The following BARX2 variants were observed in gnomAD, a reference collection of about 807,000 sequenced individuals.
The protein encoded by BARX2 is homeobox protein BarH-like 2.
In BARX2, 11 loss-of-function variants were observed where a neutral mutation model predicts 25.5. The ratio of observed to expected loss-of-function variants is 0.43; its 90% CI spans 0.27 to 0.71. BARX2 has a LOEUF of 0.71. Ranked by LOEUF, BARX2 falls within the 30% of genes least tolerant of loss-of-function variation. BARX2 has a pLI of 0.19. For synonymous variants in BARX2, 137 were observed against 149.5 expected, an observed-to-expected ratio of 0.92 and a Z score of 0.61; for missense variants, 360 against 359.9, an observed-to-expected ratio of 1.00 and a Z score of 0.00.
At chr11:129,394,932 A>G (rs1861702467) in intron 1 of BARX2, among the ~76,000 whole-genome samples, 1 of 61,516 alleles carries the variant, frequency 1.6e-5, no homozygotes, top group African/African-American at 6.7e-5. Flanking sequence ...TAGTCCACTC[A>G]GCATTTTTTT....
intron 1 of BARX2, among the ~76,000 whole-genome samples, chr11:129,407,921 G>A (rs1861848154): frequency 6.6e-6 from 1 of 151,264 alleles, no homozygotes; most frequent in Admixed American, 6.6e-5. Flanking sequence ...TGGAGCACAG[G>A]CTGGGCGCGG....
chr11:129,439,190 C>CAGTT (rs1862227415), intron 2 of BARX2, among the ~76,000 whole-genome samples: 1 of 152,032 alleles, frequency 6.6e-6, no homozygotes, highest in East Asian at 1.9e-4. Context: ...GAGCAGGGAC[C>CAGTT]AGTTAGGAGA....
At chr11:129,383,920 C>G (rs1196911328) in intron 1 of BARX2, among the ~76,000 whole-genome samples, 1 of 152,128 alleles carries the variant, frequency 6.6e-6, no homozygotes, top group African/African-American at 2.4e-5. Context: ...GTCACTGAGG[C>G]TGGAGTGTAA....
At chr11:129,417,996 C>T (rs1259227357) in intron 1 of BARX2, among the ~76,000 whole-genome samples, 1 of 152,122 alleles carries the variant, frequency 6.6e-6, no homozygotes, top group Non-Finnish European at 1.5e-5. Context: ...GACACTGCAG[C>T]TTATTGACCT....
chr11:129,437,338 G>C (rs549482347), intron 2 of BARX2: 4 of 640,492 alleles, frequency 6.2e-6, no homozygotes, highest in East Asian at 5.1e-5. Context: ...TTTAGCAAAT[G>C]GTTGCTCAGG....
At chr11:129,419,570 T>C (rs867441223) in intron 1 of BARX2, among the ~76,000 whole-genome samples, 2 of 152,250 alleles carry the variant, frequency 1.3e-5, no homozygotes, top group African/African-American at 4.8e-5. Context: ...ATAGTTTCTG[T>C]GTGGAGTGAA....
At chr11:129,429,919 T>A (rs556260555) in intron 1 of BARX2, among the ~76,000 whole-genome samples, 1 of 152,330 alleles carries the variant, frequency 6.6e-6, no homozygotes, top group South Asian at 2.1e-4. Flanking sequence ...GCCTTCACTC[T>A]CCTGCAAGGT....
chr11:129,375,553 C>T (rs1861491305), upstream of BARX2, among the ~76,000 whole-genome samples: 1 of 151,816 alleles, frequency 6.6e-6, no homozygotes, highest in Admixed American at 6.6e-5. The surrounding 1 kb of genome is among the most constrained non-coding windows in gnomAD (Gnocchi z 4.0). Flanking sequence ...CCGCACCGCG[C>T]GCACACTCCT....
chr11:129,416,970 C>T (rs1355407834), intron 1 of BARX2, among the ~76,000 whole-genome samples: 1 of 151,464 alleles, frequency 6.6e-6, no homozygotes, highest in Non-Finnish European at 1.5e-5. Context: ...GGCGCAATCT[C>T]AGCTCACTGC....
chr11:129,395,559 T>C (rs1861710849), intron 1 of BARX2, among the ~76,000 whole-genome samples: 1 of 152,142 alleles, frequency 6.6e-6, no homozygotes, highest in South Asian at 2.1e-4. Context: ...TGAAATCTCC[T>C]CCGGCCCTCC....
chr11:129,445,393 C>A (rs1288068746), intron 3 of BARX2, among the ~76,000 whole-genome samples: 1 of 152,256 alleles, frequency 6.6e-6, no homozygotes, highest in Non-Finnish European at 1.5e-5. Flanking sequence ...TCTGCCAGCA[C>A]CGCCCAGTGC....
chr11:129,424,490 C>T (rs1431593192), intron 1 of BARX2, among the ~76,000 whole-genome samples: 1 of 152,138 alleles, frequency 6.6e-6, no homozygotes, highest in African/African-American at 2.4e-5. Context: ...TCGACAATGC[C>T]TCTGGAATCC....
rs544207264 is a variant in BARX2, at chr11:129,438,631, A to G, written c.488+1580A>G. 3.0e-4 allele frequency among the ~76,000 whole-genome samples: 46 copies of G among 152,300 alleles called. 1 individual carries two copies. In the South Asian group the frequency reaches 9.3e-3, roughly 31 times the overall value. On this transcript the variant is annotated intron_variant, in intron 2 of 3. Coordinates refer to ENST00000281437, the MANE Select transcript of BARX2 (RefSeq NM_003658.5). Reference sequence around the variant, plus strand: ...AATTTAGCTTCTGATTCTGTTAATGAGGCACCGTCAGCTGTTTGGTAAGGG... The same window carrying G: ...AATTTAGCTTCTGATTCTGTTAATGGGGCACCGTCAGCTGTTTGGTAAGGG...
Position 129,376,174 on chromosome 11 carries a change from G to A in BARX2, c.139G>A (p.Val47Met). ...DYFEKLSLYSVCPSLVVRPKP... is the reference protein window; with the variant it reads ...DYFEKLSLYSMCPSLVVRPKP... ...CTTTGAGAAACTTTCCCTCTACTCC[G>A]TGTGCCCGTCGCTGGTCGTGCGACC... The change falls in exon 1 of 4, where the codon GTG becomes ATG. Residue 47 changes from valine (V) to methionine (M), a missense_variant. Physicochemically the swap from Val to Met is conservative, Grantham distance 21. This residue lies in a region of BARX2 where 240 missense variants were observed against 228.7 expected (regional missense o/e 1.05). Transcript: ENST00000281437. This position sits in a 1 kb window ranked among gnomAD's most constrained non-coding sequence, Gnocchi z 4.2. 1 of 1,612,902 alleles carries A rather than the reference G, an allele frequency of 6.2e-7. No homozygotes were observed. The highest frequency in any genetic ancestry group is 8.5e-7 in the Non-Finnish European group (1 of 1,179,452).
chr11:129,415,785 C>G (rs965463305), intron 1 of BARX2, among the ~76,000 whole-genome samples: 1 of 152,222 alleles, frequency 6.6e-6, no homozygotes, highest in Admixed American at 6.5e-5. Flanking sequence ...AACCCTCCTC[C>G]TGAAGAAAAG....
At chr11:129,405,289 G>T (rs1188853281) in intron 1 of BARX2, among the ~76,000 whole-genome samples, 1 of 152,176 alleles carries the variant, frequency 6.6e-6, no homozygotes, top group Non-Finnish European at 1.5e-5. Flanking sequence ...TCTAGAAGGG[G>T]TGATGATAGA....
At chr11:129,394,304 G>A (rs1187362172) in intron 1 of BARX2, among the ~76,000 whole-genome samples, 2 of 152,130 alleles carry the variant, frequency 1.3e-5, no homozygotes, top group East Asian at 1.9e-4. Flanking sequence ...TGGGCTTTGC[G>A]GTTGTTTTTG....
At chr11:129,385,458 G>A (rs185621691) in intron 1 of BARX2, among the ~76,000 whole-genome samples, 1 of 152,254 alleles carries the variant, frequency 6.6e-6, no homozygotes, top group East Asian at 1.9e-4. Context: ...ATTCTATGCA[G>A]CAATTAAAAT....
intron 1 of BARX2, among the ~76,000 whole-genome samples, chr11:129,386,448 G>T (rs7104514): frequency 0.31 from 47,324 of 152,036 alleles, 7,862 homozygotes; most frequent in Middle Eastern, 0.42. Context: ...GTTGATATTG[G>T]CATGTTATTA....
Sources: allele counts gnomAD v4.1 joint callset (sites outside exome capture counted in the v4.1 genomes callset), GRCh38; gene constraint gnomAD v4.1.1; regional missense constraint gnomAD v4.1.1; non-coding constraint Gnocchi (gnomAD v3.1); transcripts MANE v1.5; gene names NCBI Gene and HGNC (gene_info 2026-07-23, HGNC 2026-07-21).